TENM3: variants seen among roughly 807,000 people sequenced by gnomAD.
TENM3 encodes teneurin-3.
Under a neutral mutation model 255.1 loss-of-function variants are expected in TENM3, and 63 were observed. The observed-to-expected ratio is 0.25, with a 90% CI of 0.20 to 0.30. TENM3 has a LOEUF of 0.30. Ranked by LOEUF, TENM3 falls within the 10% of genes least tolerant of loss-of-function variation. The pLI is 1.00. For missense variants in TENM3, 2,929 were observed against 3,461.1 expected, an observed-to-expected ratio of 0.85 and a Z score of 3.86; for synonymous variants, 1,306 against 1,322.3, an observed-to-expected ratio of 0.99 and a Z score of 0.27.
At chr4:181,856,866 G>C in the TENM3 span, among the ~76,000 whole-genome samples, 3 of 152,192 alleles carry the variant, frequency 2.0e-5, no homozygotes, top group East Asian at 5.8e-4. Flanking sequence ...GACAGAGTAG[G>C]AGGCAGCACC....
intron 3 of TENM3, among the ~76,000 whole-genome samples, chr4:182,526,288 C>T (rs192618757): frequency 2.0e-5 from 3 of 152,088 alleles, no homozygotes; most frequent in East Asian, 1.9e-4. Context: ...CTACATTTGC[C>T]GCTTTCTTAT....
chr4:181,680,953 A>T, the TENM3 span, among the ~76,000 whole-genome samples: 8,281 of 152,208 alleles, frequency 0.054, 306 homozygotes, highest in Middle Eastern at 0.14. Context: ...CTTAACAGCT[A>T]AAATGTGAGC....
intron 3 of TENM3, among the ~76,000 whole-genome samples, chr4:182,527,132 A>G (rs1030909694): frequency 6.6e-6 from 1 of 152,254 alleles, no homozygotes; most frequent in African/African-American, 2.4e-5. Flanking sequence ...AAAGAAGTCA[A>G]AAGTAGTTAA....
At chr4:181,588,083 T>C in the TENM3 span, among the ~76,000 whole-genome samples, 862 of 152,272 alleles carry the variant, frequency 5.7e-3, 11 homozygotes, top group African/African-American at 0.02. Context: ...GGCAGGGGCA[T>C]GCGCTTTTTA....
the TENM3 span, among the ~76,000 whole-genome samples, chr4:182,005,440 G>A: frequency 6.6e-6 from 1 of 152,066 alleles, no homozygotes; most frequent in Admixed American, 6.6e-5. Flanking sequence ...GTCTGTTTTG[G>A]TACCAGTACC....
chr4:181,977,145 A>T, the TENM3 span, among the ~76,000 whole-genome samples: 1 of 152,200 alleles, frequency 6.6e-6, no homozygotes, highest in Non-Finnish European at 1.5e-5. Context: ...AATATCATGC[A>T]AAGTACTTTG....
intron 1 of TENM3, among the ~76,000 whole-genome samples, chr4:182,156,501 C>A (rs1287713573): frequency 6.6e-6 from 1 of 151,986 alleles, no homozygotes; most frequent in East Asian, 1.9e-4. Context: ...GCAACCCTCC[C>A]CCTCTCCCCG....
chr4:181,786,724 G>A, the TENM3 span, among the ~76,000 whole-genome samples: 2 of 150,136 alleles, frequency 1.3e-5, no homozygotes, highest in East Asian at 3.9e-4. Context: ...CTGGAAAGTA[G>A]CTTTCATGAT....
chr4:182,782,768 G>A (rs2152812966), intron 24 of TENM3, among the ~76,000 whole-genome samples: 1 of 91,624 alleles, frequency 1.1e-5, no homozygotes, highest in East Asian at 3.2e-4. Context: ...ATTTAGGATA[G>A]TTAGCTCTTC....
At chr4:182,771,385 G>A (rs7677171) in intron 22 of TENM3, among the ~76,000 whole-genome samples, 137,374 of 152,060 alleles carry the variant, frequency 0.9, 62,214 homozygotes, top group East Asian at 1. Context: ...AGGAGGGCTA[G>A]TGGGCCTGGG....
chr4:182,225,016 G>A (rs1276210197), intron 1 of TENM3, among the ~76,000 whole-genome samples: 1 of 152,176 alleles, frequency 6.6e-6, no homozygotes, highest in Non-Finnish European at 1.5e-5. Flanking sequence ...ACAGGCAGGA[G>A]CCACCGCTCC....
chr4:182,166,664 C>T (rs935550783), intron 1 of TENM3, among the ~76,000 whole-genome samples: 3 of 152,092 alleles, frequency 2.0e-5, no homozygotes, highest in Non-Finnish European at 2.9e-5. Context: ...CAGAGTCTTG[C>T]TCTGTTGCCC....
the TENM3 span, among the ~76,000 whole-genome samples, chr4:181,672,300 A>G: frequency 6.6e-6 from 1 of 152,304 alleles, no homozygotes. Flanking sequence ...ACATATTTGG[A>G]ACTCTATAAA....
chr4:182,484,295 A>G (rs1157514263), intron 3 of TENM3, among the ~76,000 whole-genome samples: 4 of 152,184 alleles, frequency 2.6e-5, no homozygotes, highest in Admixed American at 2.6e-4. Context: ...TCATGCAGCT[A>G]GTCAGTTGTG....
At chr4:182,026,609 CT>C in the TENM3 span, among the ~76,000 whole-genome samples, 1 of 152,138 alleles carries the variant, frequency 6.6e-6, no homozygotes, top group African/African-American at 2.4e-5. Context: ...TAGATTATGT[CT>C]TTAATCCATT....
At chr4:182,409,504 C>G (rs1407853731) in intron 3 of TENM3, among the ~76,000 whole-genome samples, 1 of 152,152 alleles carries the variant, frequency 6.6e-6, no homozygotes, top group Admixed American at 6.5e-5. Flanking sequence ...CAGGATTGGG[C>G]TAGATATTCC....
the TENM3 span, among the ~76,000 whole-genome samples, chr4:182,104,905 G>A: frequency 6.0e-4 from 92 of 152,102 alleles, 1 homozygote; most frequent in Non-Finnish European, 1.1e-3. Context: ...TCAGCTTCAC[G>A]GTGTGTAAGA....
At chr4:182,135,171 G>T in the TENM3 span, among the ~76,000 whole-genome samples, 2 of 128,352 alleles carry the variant, frequency 1.6e-5, no homozygotes, top group African/African-American at 6.1e-5. Context: ...ACACCACTGC[G>T]CTCCAGCCTG....
chr4:182,362,200 G>A (rs1201041182), intron 3 of TENM3, among the ~76,000 whole-genome samples: 8 of 151,700 alleles, frequency 5.3e-5, no homozygotes, highest in African/African-American at 1.5e-4. Context: ...CAGTCTGCCC[G>A]TTCTCAGATC....
Sources: allele counts gnomAD v4.1 joint callset (sites outside exome capture counted in the v4.1 genomes callset), GRCh38; gene constraint gnomAD v4.1.1; transcripts MANE v1.5; gene names NCBI Gene and HGNC (gene_info 2026-07-23, HGNC 2026-07-21).